The following FAM193A variants were observed in gnomAD, a reference collection of about 807,000 sequenced individuals.
The protein encoded by FAM193A is family with sequence similarity 193 member A.
Under a neutral mutation model 126.5 loss-of-function variants are expected in FAM193A, and 22 were observed. That is an observed-to-expected ratio of 0.17 (90% CI 0.12 to 0.25). The LOEUF is 0.25. Ranked by LOEUF, FAM193A falls within the 10% of genes least tolerant of loss-of-function variation. FAM193A has a pLI of 1.00. For missense variants in FAM193A, 1,675 were observed against 1,672.8 expected, an observed-to-expected ratio of 1.00 and a Z score of -0.02; for synonymous variants, 761 against 646.8, an observed-to-expected ratio of 1.18 and a Z score of -2.68.
At chr4:2,558,793 A>G (rs977317250) in intron 1 of FAM193A, among the ~76,000 whole-genome samples, 3 of 152,140 alleles carry the variant, frequency 2.0e-5, no homozygotes, top group Non-Finnish European at 4.4e-5. Flanking sequence ...TTGAGGGCAG[A>G]GGTTCGAGAC....
At chr4:2,547,883 C>T (rs1254365450) in intron 1 of FAM193A, among the ~76,000 whole-genome samples, 1 of 151,066 alleles carries the variant, frequency 6.6e-6, no homozygotes, top group African/African-American at 2.4e-5. Context: ...CCTTGGCCTC[C>T]CAAAGTGCTG....
intron 13 of FAM193A, among the ~76,000 whole-genome samples, chr4:2,676,977 ATTC>A (rs968104700): frequency 1.3e-5 from 2 of 152,082 alleles, no homozygotes; most frequent in Non-Finnish European, 1.5e-5. Context: ...CAATTTGTCT[ATTC>A]TTTGTTGCCT....
At chr4:2,642,354 C>G (rs1408410699) in intron 6 of FAM193A, among the ~76,000 whole-genome samples, 1 of 152,098 alleles carries the variant, frequency 6.6e-6, no homozygotes, top group African/African-American at 2.4e-5. Context: ...GTGTGGCCAG[C>G]TGGCAGGTGG....
intron 6 of FAM193A, 70 bp downstream of exon 6, chr4:2,639,929 T>A: frequency 6.8e-7 from 1 of 1,462,950 alleles, no homozygotes; most frequent in Non-Finnish European, 9.4e-7. Flanking sequence ...CTGGTGTGCG[T>A]GTACCCGAGT....
At chr4:2,679,241 T>C (rs771274350) in intron 13 of FAM193A, among the ~76,000 whole-genome samples, 8 of 152,304 alleles carry the variant, frequency 5.3e-5, no homozygotes, top group Non-Finnish European at 8.8e-5. Context: ...GAATTATCCT[T>C]GCATTCTGGG....
At chr4:2,649,128 C>T (rs912494545) in intron 7 of FAM193A, among the ~76,000 whole-genome samples, 2 of 152,176 alleles carry the variant, frequency 1.3e-5, no homozygotes, top group Admixed American at 1.3e-4. Flanking sequence ...AATTTCAGCA[C>T]TTTGGGAGGC....
intron 20 of FAM193A, among the ~76,000 whole-genome samples, chr4:2,718,469 G>C (rs373163519): frequency 2.5e-4 from 38 of 152,176 alleles, no homozygotes; most frequent in African/African-American, 9.2e-4. Flanking sequence ...GTTCATGCCT[G>C]TAGTCCCAGC....
chr4:2,725,396 G>A (rs1322344331), intron 20 of FAM193A, among the ~76,000 whole-genome samples: 3 of 142,398 alleles, frequency 2.1e-5, no homozygotes, highest in Non-Finnish European at 4.5e-5. Flanking sequence ...GTTGCAGTGA[G>A]CTGTGATCGT....
At chr4:2,628,026 G>A (rs1429712940) in intron 4 of FAM193A, among the ~76,000 whole-genome samples, 2 of 152,076 alleles carry the variant, frequency 1.3e-5, no homozygotes, top group Non-Finnish European at 2.9e-5. Context: ...ACAGGTGTGA[G>A]CCACCACACC....
intron 1 of FAM193A, among the ~76,000 whole-genome samples, chr4:2,577,073 A>G (rs1042252091): frequency 1.3e-5 from 2 of 152,228 alleles, no homozygotes; most frequent in Non-Finnish European, 2.9e-5. Flanking sequence ...TTTAGTTGAT[A>G]TGAGGACTAA....
At chr4:2,656,824 G>T (rs1275635485) in intron 7 of FAM193A, among the ~76,000 whole-genome samples, 1 of 152,206 alleles carries the variant, frequency 6.6e-6, no homozygotes, top group Non-Finnish European at 1.5e-5. Flanking sequence ...TTCTTTAGAT[G>T]TTACAAAGTA....
intron 1 of FAM193A, among the ~76,000 whole-genome samples, chr4:2,553,924 C>T (rs1173499000): frequency 6.6e-6 from 1 of 152,130 alleles, no homozygotes; most frequent in Non-Finnish European, 1.5e-5. Context: ...CATGTAAGAC[C>T]TGACTTGTTC....
intron 7 of FAM193A, among the ~76,000 whole-genome samples, chr4:2,651,081 A>G (rs1034537753): frequency 6.6e-6 from 1 of 152,240 alleles, no homozygotes; most frequent in Non-Finnish European, 1.5e-5. Flanking sequence ...CTGTAATCCC[A>G]GCACTTAGGG....
chr4:2,567,374 A>G (rs997002535), intron 1 of FAM193A, among the ~76,000 whole-genome samples: 2 of 152,304 alleles, frequency 1.3e-5, no homozygotes, highest in South Asian at 2.1e-4. Flanking sequence ...ACTTCGCTAT[A>G]TGTATCTTTG....
chr4:2,565,194 T>C (rs1161010885), intron 1 of FAM193A, among the ~76,000 whole-genome samples: 1 of 151,166 alleles, frequency 6.6e-6, no homozygotes, highest in East Asian at 1.9e-4. Context: ...GATTCTGAAA[T>C]GATTTCATTA....
intron 20 of FAM193A, among the ~76,000 whole-genome samples, chr4:2,730,693 A>G (rs1376193827): frequency 1.5e-5 from 2 of 133,926 alleles, no homozygotes; most frequent in Non-Finnish European, 3.4e-5. Flanking sequence ...CCGTGTCAAG[A>G]AAAAAAAAAA....
At chr4:2,582,391 C>G (rs950029526) in intron 1 of FAM193A, among the ~76,000 whole-genome samples, 1 of 151,876 alleles carries the variant, frequency 6.6e-6, no homozygotes, top group Non-Finnish European at 1.5e-5. Flanking sequence ...TCCTCTCACC[C>G]CAACAAGTGC....
intron 2 of FAM193A, among the ~76,000 whole-genome samples, chr4:2,610,262 G>T (rs913717829): frequency 6.6e-6 from 1 of 152,000 alleles, no homozygotes. Context: ...AAACTCGCTA[G>T]TATTTGTCAT....
chr4:2,727,283 TGTTA>T (rs1720869563), intron 20 of FAM193A, among the ~76,000 whole-genome samples: 1 of 152,160 alleles, frequency 6.6e-6, no homozygotes, highest in Non-Finnish European at 1.5e-5. Context: ...GACCAATTGC[TGTTA>T]GTTTTAAACT....
Sources: gnomAD v4.1 joint callset for allele counts (sites outside exome capture counted in the v4.1 genomes callset) on GRCh38, gnomAD v4.1.1 for gene constraint, MANE v1.5 for transcripts, NCBI Gene and HGNC (gene_info 2026-07-23, HGNC 2026-07-21) for gene names.